Variants in SRGAP1 observed in about 807,000 individuals in gnomAD.
The protein encoded by SRGAP1 is SLIT-ROBO Rho GTPase-activating protein 1.
SRGAP1 carries 43 observed loss-of-function variants against 121.9 expected under a neutral mutation model. That is an observed-to-expected ratio of 0.35 (90% confidence interval 0.28 to 0.46). The LOEUF is 0.46. Ranked by LOEUF, SRGAP1 falls within the 20% of genes least tolerant of loss-of-function variation. The pLI is 1.00. For missense variants in SRGAP1, 1,102 were observed against 1,350.9 expected, an observed-to-expected ratio of 0.82 and a Z score of 2.89; for synonymous variants, 447 against 485.4, an observed-to-expected ratio of 0.92 and a Z score of 1.04.
rs760879436 is a variant in SRGAP1 at position 64,128,059 on chromosome 12, T to C, written c.2739T>C (p.Pro913=). ...NNDSPERRRR[P]GHGSLTNISR... is the part of the protein sequence containing the mutation. ...ACAGTCCTGAGCGGAGGCGCAGGCC[T>C]GGCCATGGCAGCCTGACCAACATCA... is the stretch of plus-strand genomic sequence containing the variant. The change falls in exon 21 of 22, where the codon CCT becomes CCC. Residue 913 remains proline, a synonymous_variant. Transcript: ENST00000355086. 5 of 1,614,020 alleles carry C rather than the reference T, an allele frequency of 3.1e-6. No homozygotes were observed. In the Admixed American group the frequency reaches 6.7e-5, roughly 22 times the overall value.
At chr12:64,072,531 G>A (rs1333510555) in intron 8 of SRGAP1, among the ~76,000 whole-genome samples, 3 of 152,108 alleles carry the variant, frequency 2.0e-5, no homozygotes, top group African/African-American at 4.8e-5. Flanking sequence ...ATAAAAAGGG[G>A]AGGGGAAATT....
At chr12:64,097,188 G>T in intron 14 of SRGAP1, 53 bp from the exon 15 acceptor site, 15 of 1,527,524 alleles carry the variant, frequency 9.8e-6, no homozygotes, top group Non-Finnish European at 1.2e-5. Context: ...ATATATTTTT[G>T]TTCAGAGAAA....
chr12:64,117,056 G>C (rs551932844), intron 18 of SRGAP1, among the ~76,000 whole-genome samples: 6 of 152,164 alleles, frequency 3.9e-5, no homozygotes, highest in Non-Finnish European at 8.8e-5. Flanking sequence ...GCCGAGAATA[G>C]GGCAGCAGTG....
chr12:63,948,802 A>T (rs1387754199), intron 1 of SRGAP1, among the ~76,000 whole-genome samples: 1 of 146,066 alleles, frequency 6.8e-6, no homozygotes, highest in Non-Finnish European at 1.5e-5. Context: ...TTCCATATAT[A>T]TATATTCCAT....
In SRGAP1 at chr12:64,150,796, A is replaced by G. The variant is rs181993941; in HGVS notation, c.*8124A>G. On this transcript the variant is annotated 3_prime_UTR_variant, in exon 22 of 22. Coordinates refer to ENST00000355086, the MANE Select transcript of SRGAP1 (RefSeq NM_020762.4). ...AAAAAAATACAAAAATTAGCCAGAC[A>G]TAGTAGTACATGCCTATAGTACTAG... The G allele has an allele frequency of 1.6e-4, 18 of 110,538 alleles. No individual in the cohort carries two copies. In the East Asian group the frequency reaches 4.8e-3, roughly 29 times the overall value. The allele number at this position is 110,538 out of a possible 1,614,324, so 6.8% of individuals were successfully genotyped here. A position where few individuals can be genotyped will look rare whatever the true frequency, so the allele number is the denominator to read the frequency against.
intron 1 of SRGAP1, among the ~76,000 whole-genome samples, chr12:63,856,690 A>G (rs946205934): frequency 6.6e-6 from 1 of 151,260 alleles, no homozygotes; most frequent in Admixed American, 6.6e-5. Context: ...CACTATCTTA[A>G]CTACTATAGC....
intron 1 of SRGAP1, among the ~76,000 whole-genome samples, chr12:63,854,950 G>A (rs1385328412): frequency 1.3e-5 from 2 of 152,156 alleles, no homozygotes; most frequent in Admixed American, 1.3e-4. Flanking sequence ...ATTAGCAGGG[G>A]AGGAGAGTTC....
intron 6 of SRGAP1, among the ~76,000 whole-genome samples, chr12:64,046,051 T>G (rs975167748): frequency 1.3e-5 from 2 of 151,888 alleles, no homozygotes; most frequent in Non-Finnish European, 2.9e-5. Context: ...AGTAGAGGAG[T>G]GAGCTGCAAT....
At chr12:63,958,714 A>G (rs1194543425) in intron 1 of SRGAP1, among the ~76,000 whole-genome samples, 2 of 152,308 alleles carry the variant, frequency 1.3e-5, no homozygotes, top group Admixed American at 6.5e-5. Context: ...TGCAAGTGTT[A>G]CTTTGAAAAA....
intron 1 of SRGAP1, among the ~76,000 whole-genome samples, chr12:63,964,400 T>C (rs755626125): frequency 6.6e-6 from 1 of 152,160 alleles, no homozygotes; most frequent in Non-Finnish European, 1.5e-5. Flanking sequence ...CATGCAACAG[T>C]GTTGGGAGTC....
intron 8 of SRGAP1, among the ~76,000 whole-genome samples, chr12:64,074,922 C>T (rs1047116251): frequency 6.6e-6 from 1 of 151,992 alleles, no homozygotes; most frequent in African/African-American, 2.4e-5. Flanking sequence ...TTTAGAAATA[C>T]TATATTTTTC....
chr12:64,085,325 ATTG>A (rs1593113312), intron 10 of SRGAP1, among the ~76,000 whole-genome samples: 1 of 152,174 alleles, frequency 6.6e-6, no homozygotes, highest in Non-Finnish European at 1.5e-5. Context: ...TGCTGTTTTT[ATTG>A]TTGTTACTAA....
intron 18 of SRGAP1, among the ~76,000 whole-genome samples, chr12:64,116,276 A>C (rs953620982): frequency 1.4e-5 from 2 of 142,124 alleles, no homozygotes; most frequent in Non-Finnish European, 3.1e-5. Flanking sequence ...AAAAAAAAAA[A>C]GTAGATTAAA....
chr12:64,112,548 TG>T (rs1336884467), intron 17 of SRGAP1, among the ~76,000 whole-genome samples: 16 of 152,354 alleles, frequency 1.1e-4, no homozygotes, highest in Non-Finnish European at 1.0e-4. Context: ...CTCCCATTGC[TG>T]CAAATGACAG....
At chr12:63,910,950 A>G (rs561799881) in intron 1 of SRGAP1, among the ~76,000 whole-genome samples, 1 of 152,282 alleles carries the variant, frequency 6.6e-6, no homozygotes, top group Admixed American at 6.5e-5. Flanking sequence ...TAGAGGAGAA[A>G]GGAATAGTCT....
intron 1 of SRGAP1, among the ~76,000 whole-genome samples, chr12:63,860,895 G>A (rs1899421932): frequency 6.6e-6 from 1 of 150,876 alleles, no homozygotes; most frequent in African/African-American, 2.4e-5. Flanking sequence ...CTTTTCACAG[G>A]TGTAATCATT....
At chr12:63,948,921 TA>T (rs2136360121) in intron 1 of SRGAP1, among the ~76,000 whole-genome samples, 1 of 88,494 alleles carries the variant, frequency 1.1e-5, no homozygotes, top group African/African-American at 3.7e-5. Flanking sequence ...TCCATATATA[TA>T]TATTCCATAT....
intron 1 of SRGAP1, among the ~76,000 whole-genome samples, chr12:63,955,061 T>C (rs2032421599): frequency 6.6e-6 from 1 of 152,186 alleles, no homozygotes; most frequent in South Asian, 2.1e-4. Flanking sequence ...CTCGCGCCTA[T>C]AATCCCAGCA....
intron 21 of SRGAP1, 41 bp downstream of exon 21, chr12:64,128,241 A>C: frequency 6.6e-7 from 1 of 1,520,286 alleles, no homozygotes; most frequent in Non-Finnish European, 9.0e-7. Flanking sequence ...TAAGTACCTA[A>C]GTGTGATGTA....
Sources: allele counts gnomAD v4.1 joint callset (sites outside exome capture counted in the v4.1 genomes callset), GRCh38; gene constraint gnomAD v4.1.1; transcripts MANE v1.5; gene names NCBI Gene and HGNC (gene_info 2026-07-23, HGNC 2026-07-21).